The following SMIM18 variants were observed in gnomAD, a reference collection of about 807,000 sequenced individuals.
SMIM18 encodes the protein small integral membrane protein 18.
SMIM18 carries 4 observed loss-of-function variants against 5.9 expected under a neutral mutation model. That is an observed-to-expected ratio of 0.68 (90% confidence interval 0.33 to 1.56). The LOEUF is 1.56. SMIM18 is among the 40% of genes most tolerant of loss of function. The pLI is 0.06. For missense variants in SMIM18, 89 were observed against 109.7 expected, an observed-to-expected ratio of 0.81 and a Z score of 0.84; for synonymous variants, 37 against 37.4, an observed-to-expected ratio of 0.99 and a Z score of 0.04.
chr8:30,642,869 G>C (rs1332861269), intron 1 of SMIM18, among the ~76,000 whole-genome samples: 1 of 152,156 alleles, frequency 6.6e-6, no homozygotes, highest in Non-Finnish European at 1.5e-5. Flanking sequence ...CTGCCTTCCT[G>C]ACTGCCTCTT....
At chr8:30,639,411 T>C (rs1801729385) in intron 1 of SMIM18, among the ~76,000 whole-genome samples, 2 of 152,188 alleles carry the variant, frequency 1.3e-5, no homozygotes, top group South Asian at 2.1e-4. Flanking sequence ...TATCACACCA[T>C]TTAAATATAA....
At chr8:30,642,349 T>C (rs1367647387) in intron 1 of SMIM18, among the ~76,000 whole-genome samples, 1 of 149,906 alleles carries the variant, frequency 6.7e-6, no homozygotes, top group Non-Finnish European at 1.5e-5. Flanking sequence ...TACTACTCCA[T>C]AAGCAGGAAT....
intron 1 of SMIM18, among the ~76,000 whole-genome samples, chr8:30,640,683 A>G (rs1352487601): frequency 6.6e-6 from 1 of 152,202 alleles, no homozygotes; most frequent in East Asian, 1.9e-4. Context: ...GTCGCAGGAT[A>G]GGAGAAAATC....
rs1262890388 is a variant in SMIM18, at chr8:30,645,296, T to A, written c.-14T>A. The stretch of plus-strand genomic sequence containing the variant: ...TTTTTTATAGATTCAAAAGAGCAAG[T>A]GGAATCTCTAAGAATGGCTTCCAGC... On this transcript the variant is annotated 5_prime_UTR_variant, in exon 3 of 3. Transcript: ENST00000517349. 2.0e-6 allele frequency: 3 copies of A among 1,528,820 alleles called. No individual in the cohort carries two copies. The South Asian group carries it at 3.6e-5, about 18-fold the overall frequency. 94.7% of individuals were successfully genotyped at this position (1,528,820 alleles called of 1,614,324 possible).
At chr8:30,641,882 A>G (rs1284082769) in intron 1 of SMIM18, among the ~76,000 whole-genome samples, 1 of 152,080 alleles carries the variant, frequency 6.6e-6, no homozygotes, top group African/African-American at 2.4e-5. Context: ...TCTCAAACCA[A>G]AAACAAACTC....
intron 1 of SMIM18, among the ~76,000 whole-genome samples, chr8:30,641,838 T>C (rs1320393392): frequency 6.6e-6 from 1 of 151,610 alleles, no homozygotes; most frequent in East Asian, 2.0e-4. Context: ...ATTGTGCCAC[T>C]GCCATCCAGC....
At chr8:30,643,658 TAAA>T (rs71206267) in intron 1 of SMIM18, 3 of 132,224 alleles carry the variant, frequency 2.3e-5, no homozygotes. Context: ...AGACTCTGCC[TAAA>T]AAAAAAAAAA....
intron 1 of SMIM18, among the ~76,000 whole-genome samples, chr8:30,643,988 A>G (rs1054584791): frequency 6.6e-6 from 1 of 152,250 alleles, no homozygotes; most frequent in Non-Finnish European, 1.5e-5. Context: ...AAGGAAAAGC[A>G]TACAGAATGA....
intron 1 of SMIM18, among the ~76,000 whole-genome samples, chr8:30,639,256 C>T (rs952015169): frequency 1.4e-4 from 21 of 152,126 alleles, no homozygotes; most frequent in African/African-American, 5.1e-4. Context: ...CATTATACTA[C>T]ACTGAACAGA....
In SMIM18 at chr8:30,644,558, C is replaced by T. The variant is rs1801990394; in HGVS notation, c.-44C>T. 6.6e-6 allele frequency: 1 copy of T among 152,078 alleles called. No individual in the cohort carries two copies. Among genetic ancestry groups the T allele is most frequent in the African/African-American group, 2.4e-5 (1 of 41,412 alleles). 9.4% of individuals were successfully genotyped at this position (152,078 alleles called of 1,614,324 possible). ...GAAGGGGAAACAGGAGACAGAAATA[C>T]ACTGAACCAAAAAGGTAAGAAGAAT... On this transcript the variant is annotated 5_prime_UTR_variant, in exon 2 of 3. Coordinates refer to ENST00000517349, the MANE Select transcript of SMIM18 (RefSeq NM_001206847.2).
intron 1 of SMIM18, among the ~76,000 whole-genome samples, chr8:30,642,438 G>A (rs1240023203): frequency 6.6e-6 from 1 of 152,106 alleles, no homozygotes; most frequent in East Asian, 1.9e-4. Flanking sequence ...AAGGAATAGT[G>A]CTTTTTATTT....
At chr8:30,639,797 T>C (rs926366947) in intron 1 of SMIM18, among the ~76,000 whole-genome samples, 1 of 152,032 alleles carries the variant, frequency 6.6e-6, no homozygotes, top group Non-Finnish European at 1.5e-5. Flanking sequence ...TTCTATTCCT[T>C]TTCTTAGTCG....
chr8:30,645,765 G>A lies in SMIM18; in HGVS notation c.*168G>A. ...TAAACATGCACTGTTTGTGTGTATA[G>A]CCATTTCATTAAATATACAGTAAAA... On this transcript the variant is annotated 3_prime_UTR_variant, in exon 3 of 3. Coordinates refer to ENST00000517349, the MANE Select transcript of SMIM18 (RefSeq NM_001206847.2). 1.6e-6 allele frequency: 1 copy of A among 621,924 alleles called. No homozygotes were observed. Among genetic ancestry groups the A allele is most frequent in the South Asian group, 2.3e-5 (1 of 43,642 alleles). 38.5% of individuals were successfully genotyped at this position (621,924 alleles called of 1,614,324 possible). A position where few individuals can be genotyped will look rare whatever the true frequency, so the allele number is the denominator to read the frequency against.
At chr8:30,642,518 A>G (rs1332038193) in intron 1 of SMIM18, among the ~76,000 whole-genome samples, 1 of 152,246 alleles carries the variant, frequency 6.6e-6, no homozygotes, top group Non-Finnish European at 1.5e-5. Context: ...AAAAAACAAA[A>G]GAACACAAGG....
chr8:30,646,059 T>C lies in SMIM18; in HGVS notation c.*462T>C, dbSNP rs1802062503. The C allele has an allele frequency of 6.6e-6, 1 of 152,528 alleles. No individual in the cohort carries two copies. Among genetic ancestry groups the C allele is most frequent in the South Asian group, 2.1e-4 (1 of 4,838 alleles). The allele number at this position is 152,528 out of a possible 1,614,324, so 9.4% of individuals were successfully genotyped here. ...AGTTCCTATTTATTAAAAAGTAGTA[T>C]TTTCTAATTTACTGAAAACAACTTA... On this transcript the variant is annotated 3_prime_UTR_variant, in exon 3 of 3. Coordinates refer to ENST00000517349, the MANE Select transcript of SMIM18 (RefSeq NM_001206847.2).
In SMIM18 at chr8:30,645,853, T is replaced by G. The variant is rs1462464197; in HGVS notation, c.*256T>G. ...ACACTTCAAAAACTGGATAAAAGATTCCTAGAGTTCAATATTAAGCAGCAA... is the reference window on the plus strand; with the variant it reads ...ACACTTCAAAAACTGGATAAAAGATGCCTAGAGTTCAATATTAAGCAGCAA... On this transcript the variant is annotated 3_prime_UTR_variant, in exon 3 of 3. Transcript: ENST00000517349. The G allele has an allele frequency of 2.7e-6, 1 of 371,302 alleles. No homozygotes were observed. Among genetic ancestry groups the G allele is most frequent in the African/African-American group, 2.1e-5 (1 of 48,434 alleles). 23.0% of individuals were successfully genotyped at this position (371,302 alleles called of 1,614,324 possible). A position where few individuals can be genotyped will look rare whatever the true frequency, so the allele number is the denominator to read the frequency against.
In SMIM18 at chr8:30,645,737, AGTTAAACATGC is replaced by A; in HGVS notation, c.*141_*151del. 3 of 812,024 alleles carry A rather than the reference AGTTAAACATGC, an allele frequency of 3.7e-6. No individual in the cohort carries two copies. The South Asian group carries it at 5.7e-5, about 15-fold the overall frequency. The allele number at this position is 812,024 out of a possible 1,614,324, so 50.3% of individuals were successfully genotyped here. On this transcript the variant is annotated 3_prime_UTR_variant, in exon 3 of 3. Transcript: ENST00000517349. Reference sequence around the variant, plus strand: ...CATTTCTAGTAGAAGGGGAAAAAAAAGTTAAACATGCACTGTTTGTGTGTATAGCCATTTCA... The same window carrying A: ...CATTTCTAGTAGAAGGGGAAAAAAAAACTGTTTGTGTGTATAGCCATTTCA...
intron 1 of SMIM18, among the ~76,000 whole-genome samples, chr8:30,641,056 A>C (rs1468140017): frequency 6.6e-6 from 1 of 152,154 alleles, no homozygotes; most frequent in Non-Finnish European, 1.5e-5. Context: ...CTTTACCCTA[A>C]ATTAAACATC....
At chr8:30,642,547 A>C (rs535200171) in intron 1 of SMIM18, among the ~76,000 whole-genome samples, 5 of 152,198 alleles carry the variant, frequency 3.3e-5, no homozygotes, top group Non-Finnish European at 5.9e-5. Flanking sequence ...AAGAAGCCTC[A>C]AACATATCCC....
Sources: allele counts gnomAD v4.1 joint callset (sites outside exome capture counted in the v4.1 genomes callset), GRCh38; gene constraint gnomAD v4.1.1; transcripts MANE v1.5; gene names NCBI Gene and HGNC (gene_info 2026-07-23, HGNC 2026-07-21).